The following ABLIM2 variants were observed in gnomAD, a reference collection of about 807,000 sequenced individuals.
ABLIM2 encodes the protein actin binding LIM protein family member 2, also known as actin-binding LIM protein 2.
ABLIM2 carries 53 observed loss-of-function variants against 97.7 expected under a neutral mutation model. That is an observed-to-expected ratio of 0.54 (90% CI 0.44 to 0.68). ABLIM2 has a LOEUF of 0.68. ABLIM2 is among the 30% of genes least tolerant of loss of function. The pLI is 0.00. For missense variants in ABLIM2, 835 were observed against 867.2 expected, an observed-to-expected ratio of 0.96 and a Z score of 0.47; for synonymous variants, 361 against 345.8, an observed-to-expected ratio of 1.04 and a Z score of -0.49.
rs779613708 is a variant in ABLIM2, at chr4:8,127,453, T to C, written c.11-20816A>G. 302 of 1,260,670 alleles carry C rather than the reference T, an allele frequency of 2.4e-4. No homozygotes were observed. Among genetic ancestry groups the C allele is most frequent in the Non-Finnish European group, 2.9e-4 (278 of 964,530 alleles). 78.1% of individuals were successfully genotyped at this position (1,260,670 alleles called of 1,614,324 possible). On this transcript the variant is annotated intron_variant, in intron 1 of 20. Transcript: ENST00000447017. This position sits in a 1 kb window ranked among gnomAD's most constrained non-coding sequence, Gnocchi z 7.3. ...CCACCAGACCCCTGAAGCTGATTCA[T>C]GGAGCTCACAGCTCCCAGTCCCCTG...
chr4:8,031,443 A>G (rs1337139821), intron 10 of ABLIM2, among the ~76,000 whole-genome samples: 1 of 152,234 alleles, frequency 6.6e-6, no homozygotes, highest in Non-Finnish European at 1.5e-5. Flanking sequence ...TGGGACATCA[A>G]AAGTCACCGG....
At chr4:7,988,143 C>T (rs985602958) in intron 17 of ABLIM2, among the ~76,000 whole-genome samples, 4 of 152,174 alleles carry the variant, frequency 2.6e-5, no homozygotes, top group African/African-American at 4.8e-5. Flanking sequence ...CTGCCTCAGC[C>T]TCCTGAGTAG....
At chr4:8,073,575 G>T (rs1480496750) in intron 6 of ABLIM2, among the ~76,000 whole-genome samples, 2 of 152,020 alleles carry the variant, frequency 1.3e-5, no homozygotes, top group African/African-American at 2.4e-5. Flanking sequence ...GGCCCCAGGA[G>T]AAGGGGAGAG....
chr4:8,034,015 C>G (rs1044943188), intron 10 of ABLIM2, among the ~76,000 whole-genome samples: 1 of 152,188 alleles, frequency 6.6e-6, no homozygotes, highest in Non-Finnish European at 1.5e-5. Flanking sequence ...GGAGGAGGAT[C>G]GTGAGGCCAG....
In ABLIM2 at chr4:8,023,436, T is replaced by C. The variant is rs57620862; in HGVS notation, c.1268-3133A>G. Among the ~76,000 whole-genome samples the C allele has an allele frequency of 0.063, 9,557 of 152,280 alleles. 1,006 individuals are homozygous for C. The highest frequency in any genetic ancestry group is 0.22 in the African/African-American group (8,974 of 41,512). ...GCCTGATGTTTTCTCATGGCGATAC[T>C]GGGCTTATGGGGTTGAGAAGGAAGC... is the stretch of plus-strand genomic sequence containing the variant. On this transcript the variant is annotated intron_variant, in intron 12 of 20. Coordinates refer to ENST00000447017, the MANE Select transcript of ABLIM2 (RefSeq NM_001130083.2). This position sits in a 1 kb window ranked among gnomAD's most constrained non-coding sequence, Gnocchi z 5.7.
At chr4:8,045,137 C>T (rs745812396) in intron 9 of ABLIM2, 27 bp downstream of exon 9, 14 of 1,604,940 alleles carry the variant, frequency 8.7e-6, no homozygotes, top group East Asian at 4.5e-5. Flanking sequence ...CTCCCACCGC[C>T]GTCCCCATAA....
rs1848649644 is a variant in ABLIM2 at position 8,127,819 on chromosome 4, C to T, written c.11-21182G>A. 3 of 683,064 alleles carry T rather than the reference C, an allele frequency of 4.4e-6. No individual in the cohort carries two copies. The South Asian group carries it at 2.0e-4, about 45-fold the overall frequency. The allele number at this position is 683,064 out of a possible 1,614,324, so 42.3% of individuals were successfully genotyped here. ...AGAGACACACCTGTCTCCCAGGCATCCGGGAAAGGGGCTCTGAAAAGGCAC... is the reference window on the plus strand; with the variant it reads ...AGAGACACACCTGTCTCCCAGGCATTCGGGAAAGGGGCTCTGAAAAGGCAC... On this transcript the variant is annotated intron_variant, in intron 1 of 20. Transcript: ENST00000447017. The surrounding 1 kb of genome is among the most constrained non-coding windows in gnomAD (Gnocchi z 7.3).
chr4:8,019,590 C>G lies in ABLIM2; in HGVS notation c.1423+28G>C. On this transcript the variant is annotated intron_variant, in intron 14 of 20. Coordinates refer to ENST00000447017, the MANE Select transcript of ABLIM2 (RefSeq NM_001130083.2). This position sits in a 1 kb window ranked among gnomAD's most constrained non-coding sequence, Gnocchi z 4.3. The stretch of plus-strand genomic sequence containing the variant: ...GTATTGACAGGCATGCGGGGCAAAC[C>G]ACAGCAGCGGGAGGAATCCAACCGT... 1 of 1,600,782 alleles carries G rather than the reference C, an allele frequency of 6.2e-7. No homozygotes were observed. Among genetic ancestry groups the G allele is most frequent in the Non-Finnish European group, 8.5e-7 (1 of 1,173,886 alleles).
At chr4:8,034,911 G>A in intron 10 of ABLIM2, among the ~76,000 whole-genome samples, 1 of 120,686 alleles carries the variant, frequency 8.3e-6, no homozygotes. Context: ...GGTGCGGGTG[G>A]GTGGTGGGTG....
intron 4 of ABLIM2, among the ~76,000 whole-genome samples, chr4:8,086,738 T>C (rs1823945842): frequency 1.3e-5 from 2 of 152,138 alleles, no homozygotes; most frequent in Non-Finnish European, 2.9e-5. Context: ...GAGCTTTTGA[T>C]TACTATCTGA....
At chr4:7,977,665 C>T (rs1734597538) in intron 20 of ABLIM2, among the ~76,000 whole-genome samples, 1 of 152,046 alleles carries the variant, frequency 6.6e-6, no homozygotes, top group Non-Finnish European at 1.5e-5. Context: ...GTGGTGGGTG[C>T]CTGTAGTCCC....
At chr4:8,086,570 C>A (rs914661372) in intron 4 of ABLIM2, among the ~76,000 whole-genome samples, 1 of 152,086 alleles carries the variant, frequency 6.6e-6, no homozygotes, top group African/African-American at 2.4e-5. Flanking sequence ...GTCTCGGACT[C>A]CTGGCCTCAG....
rs1579629316 is a variant in ABLIM2 at position 8,044,872 on chromosome 4, C to T, written c.900+292G>A. On this transcript the variant is annotated intron_variant, in intron 9 of 20. Coordinates refer to ENST00000447017, the MANE Select transcript of ABLIM2 (RefSeq NM_001130083.2). This position sits in a 1 kb window ranked among gnomAD's most constrained non-coding sequence, Gnocchi z 4.4. ...GTCGGCTGTTGATGTGACGTGTCTG[C>T]ACCACTATAAACAACAGCTGTGTAC... Among the ~76,000 whole-genome samples, 1 of 152,308 alleles carries T rather than the reference C, an allele frequency of 6.6e-6. No homozygotes were observed. Among genetic ancestry groups the T allele is most frequent in the Admixed American group, 6.5e-5 (1 of 15,302 alleles).
At chr4:8,105,685 G>C (rs1837018381) in intron 2 of ABLIM2, among the ~76,000 whole-genome samples, 1 of 152,220 alleles carries the variant, frequency 6.6e-6, no homozygotes, top group African/African-American at 2.4e-5. Flanking sequence ...AGGCAGGCAC[G>C]GGGCCGCACA....
At position 8,095,310 on chromosome 4, in the gene ABLIM2, C is replaced by T. The variant is rs186589841; in HGVS notation, c.338+1789G>A. Among the ~76,000 whole-genome samples the T allele has an allele frequency of 1.3e-4, 20 of 152,180 alleles. No individual in the cohort carries two copies. Among genetic ancestry groups the T allele is most frequent in the East Asian group, 1.2e-3 (6 of 5,168 alleles). ...GTAGAGACAGGGTCTTGCTATGTCA[C>T]GCAGGCTGATCTTGAACTCCCAGCC... On this transcript the variant is annotated intron_variant, in intron 3 of 20. Transcript: ENST00000447017. This position sits in a 1 kb window ranked among gnomAD's most constrained non-coding sequence, Gnocchi z 4.7.
intron 16 of ABLIM2, 119 bp downstream of exon 16, chr4:8,007,940 C>A (rs1257984727): frequency 6.7e-7 from 1 of 1,496,886 alleles, no homozygotes. Flanking sequence ...GTGGGCTTTG[C>A]TTTCATGCTT....
In ABLIM2 at chr4:8,128,376, G is replaced by C. The variant is rs1848790044; in HGVS notation, c.11-21739C>G. On this transcript the variant is annotated intron_variant, in intron 1 of 20. Transcript: ENST00000447017. The surrounding 1 kb of genome is among the most constrained non-coding windows in gnomAD (Gnocchi z 4.9). ...AGACGTGTCTCTATCTAGCGAATCA[G>C]AGTCCAGCACCCCGTCATAGGATGC... Among the ~76,000 whole-genome samples, 1 of 152,180 alleles carries C rather than the reference G, an allele frequency of 6.6e-6. No homozygotes were observed. The highest frequency in any genetic ancestry group is 2.4e-5 in the African/African-American group (1 of 41,432).
chr4:7,979,242 C>A (rs535887192), intron 20 of ABLIM2, among the ~76,000 whole-genome samples: 1 of 152,374 alleles, frequency 6.6e-6, no homozygotes, highest in South Asian at 2.1e-4. Context: ...TCTGGCTCTG[C>A]GGTTCCTTTG....
In ABLIM2 at chr4:8,060,962, T is replaced by C. The variant is rs6811028; in HGVS notation, c.763+5A>G. On this transcript the variant is annotated splice_donor_5th_base_variant and intron_variant, in intron 7 of 20. Coordinates refer to ENST00000447017, the MANE Select transcript of ABLIM2 (RefSeq NM_001130083.2). ...GGGGACCAAACAACACATTTTAATT[T>C]GTACCTTGAAGATACATCTCTTCGC... 0.85 allele frequency: 1,337,481 copies of C among 1,575,288 alleles called. 569,306 individuals are homozygous for C. The highest frequency in any genetic ancestry group is 0.99 in the East Asian group (42,828 of 43,118).
Sources: gnomAD v4.1 joint callset for allele counts (sites outside exome capture counted in the v4.1 genomes callset) on GRCh38, gnomAD v4.1.1 for gene constraint, Gnocchi (gnomAD v3.1) non-coding constraint, MANE v1.5 for transcripts, NCBI Gene and HGNC (gene_info 2026-07-23, HGNC 2026-07-21) for gene names.